The following LGR5 variants were observed in gnomAD, a reference collection of about 807,000 sequenced individuals.
The protein encoded by LGR5 is leucine-rich repeat-containing G protein-coupled receptor 5.
Under a neutral mutation model 76.7 loss-of-function variants are expected in LGR5, and 54 were observed. The observed-to-expected ratio is 0.70, with a 90% CI of 0.57 to 0.88. The LOEUF (loss-of-function observed/expected upper bound fraction) is 0.88. Among genes scored for constraint, LGR5 ranks in the 40% least tolerant of loss-of-function variants. LGR5 has a pLI of 0.00. For synonymous variants in LGR5, 406 were observed against 421.9 expected, an observed-to-expected ratio of 0.96 and a Z score of 0.46; for missense variants, 1,078 against 1,073.3, an observed-to-expected ratio of 1.00 and a Z score of -0.06.
At chr12:71,497,568 T>C (rs1469497926) in intron 1 of LGR5, among the ~76,000 whole-genome samples, 1 of 152,198 alleles carries the variant, frequency 6.6e-6, no homozygotes, top group Non-Finnish European at 1.5e-5. Flanking sequence ...AATAAAATGC[T>C]ACTCAAGCCT....
Position 71,571,569 on chromosome 12 carries a change from C to T in LGR5, c.1126C>T (p.Leu376Phe), listed in dbSNP as rs186409843. 2.1e-4 allele frequency: 332 copies of T among 1,610,828 alleles called. 4 individuals are homozygous for T. The East Asian group carries it at 6.2e-3, about 30-fold the overall frequency. ...ACCCAGTTTTTCAGTCTGCCAAAAG[C>T]TTCAGAAAATGTAAGTCTAGAAGTC... ...DLPSFSVCQKLQKIDLRHNEI... is the reference protein window; with the variant it reads ...DLPSFSVCQKFQKIDLRHNEI... The change falls in exon 12 of 18, where the codon CTT becomes TTT. Residue 376 changes from leucine to phenylalanine, a missense_variant. Leu to Phe is a conservative substitution (Grantham distance 22). Transcript: ENST00000266674.
At chr12:71,546,527 C>T (rs1248629421) in intron 4 of LGR5, among the ~76,000 whole-genome samples, 3 of 152,094 alleles carry the variant, frequency 2.0e-5, no homozygotes, top group Non-Finnish European at 4.4e-5. Flanking sequence ...TCCTCACCTT[C>T]CTCTCTGGCC....
chr12:71,529,293 G>C (rs375135446), intron 3 of LGR5, among the ~76,000 whole-genome samples: 5 of 152,008 alleles, frequency 3.3e-5, no homozygotes, highest in African/African-American at 1.2e-4. Context: ...GGGAGGCCTC[G>C]GGAAACTTAC....
rs1439640294 is a variant in LGR5, at chr12:71,440,347, C to A, written c.212+55C>A. The A allele has an allele frequency of 6.4e-7, 1 of 1,552,854 alleles. No individual in the cohort carries two copies. Among genetic ancestry groups the A allele is most frequent in the Middle Eastern group, 2.0e-4 (1 of 5,088 alleles). ...AGAGACTAAGAGGGGAAGGAAGGTT[C>A]GTCCAAGGCGAGGCTGGAGGCTCCT... On this transcript the variant is annotated intron_variant, in intron 1 of 17. Coordinates refer to ENST00000266674, the MANE Select transcript of LGR5 (RefSeq NM_003667.4). This position sits in a 1 kb window ranked among gnomAD's most constrained non-coding sequence, Gnocchi z 5.3.
intron 1 of LGR5, among the ~76,000 whole-genome samples, chr12:71,492,417 A>G (rs1414562004): frequency 6.6e-6 from 1 of 152,154 alleles, no homozygotes; most frequent in East Asian, 1.9e-4. Flanking sequence ...TCTGAATTTG[A>G]TTTGAAACCC....
rs1481271262 is a variant in LGR5, at chr12:71,585,232, T to C, written c.*498T>C. 6.4e-6 allele frequency: 1 copy of C among 155,962 alleles called. No individual in the cohort carries two copies. The highest frequency in any genetic ancestry group is 2.4e-5 in the African/African-American group (1 of 41,454). The allele number at this position is 155,962 out of a possible 1,614,324, so 9.7% of individuals were successfully genotyped here. On this transcript the variant is annotated 3_prime_UTR_variant, in exon 18 of 18. Transcript: ENST00000266674. The stretch of plus-strand genomic sequence containing the variant: ...CATTCTAATGACCATGTGAAGATGT[T>C]TGAGTCCTCCTTTGCCTTTCCTCAG...
At position 71,584,212 on chromosome 12, in the gene LGR5, C is replaced by T. The variant is rs527591188; in HGVS notation, c.2202C>T (p.Ser734=). The change falls in exon 18 of 18, where the codon TCC becomes TCT. Residue 734 remains serine, a synonymous_variant. Coordinates refer to ENST00000266674, the MANE Select transcript of LGR5 (RefSeq NM_003667.4). ...TGGTCGCTCTCATCTTGCTCAATTC[C>T]CTTTGCTTCCTCATGATGACCATTG... ...GYMVALILLN[S]LCFLMMTIAY... is the part of the protein sequence containing the mutation. The T allele has an allele frequency of 5.6e-6, 9 of 1,614,112 alleles. No individual in the cohort carries two copies. In the South Asian group the frequency reaches 9.9e-5, roughly 18 times the overall value.
chr12:71,524,937 C>G (rs1022496501), intron 3 of LGR5, among the ~76,000 whole-genome samples: 6 of 152,094 alleles, frequency 3.9e-5, no homozygotes, highest in African/African-American at 1.4e-4. Flanking sequence ...TAGGGTAAAG[C>G]CTAGTGTAGA....
chr12:71,506,335 A>C (rs1274109532), intron 2 of LGR5, among the ~76,000 whole-genome samples: 2 of 152,056 alleles, frequency 1.3e-5, no homozygotes, highest in Non-Finnish European at 2.9e-5. Context: ...TTTAGACCAC[A>C]AGCTGAATCA....
At chr12:71,454,052 G>GTTC (rs2137214610) in intron 1 of LGR5, among the ~76,000 whole-genome samples, 1 of 152,158 alleles carries the variant, frequency 6.6e-6, no homozygotes, top group East Asian at 1.9e-4. Context: ...GATCCACAGG[G>GTTC]GAGAAGAGAG....
intron 2 of LGR5, among the ~76,000 whole-genome samples, chr12:71,522,946 G>A (rs1875799202): frequency 2.0e-5 from 3 of 152,162 alleles, no homozygotes; most frequent in African/African-American, 4.8e-5. Flanking sequence ...GATAAGCAGA[G>A]CCTCTTGGAG....
At chr12:71,454,317 C>G (rs1350733266) in intron 1 of LGR5, among the ~76,000 whole-genome samples, 1 of 152,158 alleles carries the variant, frequency 6.6e-6, no homozygotes, top group Non-Finnish European at 1.5e-5. Flanking sequence ...TTTTACCACT[C>G]TAAATCCAAC....
In LGR5 at chr12:71,584,931, T is replaced by C. The variant is rs1879259381; in HGVS notation, c.*197T>C. On this transcript the variant is annotated 3_prime_UTR_variant, in exon 18 of 18. Transcript: ENST00000266674. ...ATATAAGTCTAAATGCTGCTTTGTA[T>C]AATTTGTTCAGCTAAGGGATAGATC... The C allele has an allele frequency of 3.4e-6, 2 of 586,446 alleles. No individual in the cohort carries two copies. The highest frequency in any genetic ancestry group is 4.7e-5 in the South Asian group (2 of 42,964). 36.3% of individuals were successfully genotyped at this position (586,446 alleles called of 1,614,324 possible).
In LGR5 at chr12:71,480,194, T is replaced by C. The variant is rs951411924; in HGVS notation, c.213-24420T>C. Among the ~76,000 whole-genome samples, 4 of 151,832 alleles carry C rather than the reference T, an allele frequency of 2.6e-5. No individual in the cohort carries two copies. In the East Asian group the frequency reaches 7.8e-4, roughly 30 times the overall value. On this transcript the variant is annotated intron_variant, in intron 1 of 17. Coordinates refer to ENST00000266674, the MANE Select transcript of LGR5 (RefSeq NM_003667.4). Reference sequence around the variant, plus strand: ...GCCTGGCCAACATGACGAAACCCCGTCTCTACTAAAAATACAAAAATTACC... The same window carrying C: ...GCCTGGCCAACATGACGAAACCCCGCCTCTACTAAAAATACAAAAATTACC...
At chr12:71,525,076 T>C (rs1452174572) in intron 3 of LGR5, among the ~76,000 whole-genome samples, 1 of 152,196 alleles carries the variant, frequency 6.6e-6, no homozygotes, top group Non-Finnish European at 1.5e-5. Context: ...TACTTCCTTC[T>C]TCTGGTACCC....
At chr12:71,482,872 T>C (rs35800891) in intron 1 of LGR5, among the ~76,000 whole-genome samples, 13,645 of 152,270 alleles carry the variant, frequency 0.09, 656 homozygotes, top group Non-Finnish European at 0.11. Context: ...TCATGAATTA[T>C]AGCACAGTCT....
At chr12:71,503,883 T>C (rs143344384) in intron 1 of LGR5, among the ~76,000 whole-genome samples, 12 of 152,002 alleles carry the variant, frequency 7.9e-5, no homozygotes, top group African/African-American at 2.7e-4. Context: ...AGTAAAGAAA[T>C]AGGGGGGAAA....
intron 3 of LGR5, among the ~76,000 whole-genome samples, chr12:71,528,847 T>A (rs1266703035): frequency 1.3e-5 from 2 of 152,226 alleles, no homozygotes; most frequent in Non-Finnish European, 2.9e-5. Flanking sequence ...CAATTCAGCC[T>A]CAATTCTCTG....
chr12:71,567,297 C>T, intron 11 of LGR5: 10 of 195,726 alleles, frequency 5.1e-5, no homozygotes, highest in East Asian at 2.4e-4. Flanking sequence ...ATCTCAGATC[C>T]ACACAATCCT....
Sources: allele counts gnomAD v4.1 joint callset (sites outside exome capture counted in the v4.1 genomes callset), GRCh38; gene constraint gnomAD v4.1.1; non-coding constraint Gnocchi (gnomAD v3.1); transcripts MANE v1.5; gene names NCBI Gene and HGNC (gene_info 2026-07-23, HGNC 2026-07-21).